Variants in AGBL4 observed in about 807,000 individuals in gnomAD.
The protein encoded by AGBL4 is AGBL carboxypeptidase 4, also known as cytosolic carboxypeptidase 6.
Under a neutral mutation model 66.4 loss-of-function variants are expected in AGBL4, and 58 were observed. That is an observed-to-expected ratio of 0.87 (90% CI 0.71 to 1.09). AGBL4 has a LOEUF of 1.09. Among genes scored for constraint, AGBL4 ranks in the 50% least tolerant of loss-of-function variants. AGBL4 has a pLI of 0.00. For synonymous variants in AGBL4, 234 were observed against 222.9 expected (o/e 1.05, Z -0.44); for missense variants, 579 against 631.0 (o/e 0.92, Z 0.88).
chr1:48,809,655 A>G (rs1016319644), intron 6 of AGBL4, among the ~76,000 whole-genome samples: 5 of 152,150 alleles, frequency 3.3e-5, no homozygotes, highest in African/African-American at 1.2e-4. Flanking sequence ...ATTATTATAA[A>G]TAGAACCTCA....
intron 1 of AGBL4, among the ~76,000 whole-genome samples, chr1:49,933,809 CATT>C (rs1653625624): frequency 2.6e-5 from 4 of 151,930 alleles, no homozygotes; most frequent in African/African-American, 7.2e-5. Context: ...GAGTAAAAAA[CATT>C]ATAAGAACAT....
At chr1:49,832,027 G>A (rs940362478) in intron 2 of AGBL4, among the ~76,000 whole-genome samples, 3 of 150,968 alleles carry the variant, frequency 2.0e-5, no homozygotes, top group African/African-American at 4.9e-5. Flanking sequence ...TTAACTTTTA[G>A]GGTACATGTG....
At chr1:49,293,149 C>CCAGCCA (rs1481047834) in intron 3 of AGBL4, among the ~76,000 whole-genome samples, 1 of 152,224 alleles carries the variant, frequency 6.6e-6, no homozygotes, top group Non-Finnish European at 1.5e-5. Flanking sequence ...TGTGCCTGGT[C>CCAGCCA]CAGCCACAGC....
At chr1:49,629,132 G>C (rs546012849) in intron 3 of AGBL4, among the ~76,000 whole-genome samples, 1 of 152,282 alleles carries the variant, frequency 6.6e-6, no homozygotes, top group African/African-American at 2.4e-5. Context: ...TATAAATCAA[G>C]CATTATTGGA....
chr1:49,726,450 G>T (rs923274276), intron 2 of AGBL4, among the ~76,000 whole-genome samples: 1 of 152,128 alleles, frequency 6.6e-6, no homozygotes, highest in African/African-American at 2.4e-5. Flanking sequence ...TAGAGTGGAA[G>T]AATGACTGGC....
intron 5 of AGBL4, among the ~76,000 whole-genome samples, chr1:48,961,000 T>G (rs1371810425): frequency 4.6e-5 from 7 of 152,194 alleles, no homozygotes; most frequent in Non-Finnish European, 1.0e-4. Context: ...AGCTCTATAC[T>G]AGGACCCTAA....
intron 2 of AGBL4, among the ~76,000 whole-genome samples, chr1:49,793,281 A>G (rs1224895633): frequency 6.6e-6 from 1 of 152,062 alleles, no homozygotes; most frequent in Non-Finnish European, 1.5e-5. Flanking sequence ...GATAATTCTT[A>G]TCAACTACAA....
intron 5 of AGBL4, among the ~76,000 whole-genome samples, chr1:48,884,446 A>G (rs1328270069): frequency 6.6e-6 from 1 of 151,536 alleles, no homozygotes; most frequent in Non-Finnish European, 1.5e-5. Flanking sequence ...ATGAGCCCAC[A>G]GTAGGTGATC....
intron 5 of AGBL4, among the ~76,000 whole-genome samples, chr1:48,908,505 G>A (rs946179810): frequency 2.6e-5 from 4 of 152,140 alleles, no homozygotes; most frequent in African/African-American, 9.7e-5. Flanking sequence ...CAAATGTCTT[G>A]TTTATTCCAA....
At chr1:48,887,075 G>A (rs935143084) in intron 5 of AGBL4, among the ~76,000 whole-genome samples, 2 of 152,152 alleles carry the variant, frequency 1.3e-5, no homozygotes, top group South Asian at 2.1e-4. Context: ...TTATAGGGTG[G>A]CTGGATTTCT....
intron 3 of AGBL4, among the ~76,000 whole-genome samples, chr1:49,278,010 T>C (rs1341082355): frequency 6.6e-6 from 1 of 152,178 alleles, no homozygotes; most frequent in Non-Finnish European, 1.5e-5. Context: ...TTAACAATCA[T>C]AACAACATGG....
intron 6 of AGBL4, among the ~76,000 whole-genome samples, chr1:48,836,355 A>G (rs998066014): frequency 6.6e-6 from 1 of 152,004 alleles, no homozygotes; most frequent in Non-Finnish European, 1.5e-5. Flanking sequence ...TAATCCTTCA[A>G]AGGTCTTCCA....
chr1:48,646,958 AT>A (rs1164093937), intron 8 of AGBL4, among the ~76,000 whole-genome samples: 2 of 152,124 alleles, frequency 1.3e-5, no homozygotes, highest in Non-Finnish European at 2.9e-5. Context: ...TCACACCCAT[AT>A]TTCTAGTGGA....
At chr1:49,026,446 T>A (rs890404237) in intron 5 of AGBL4, among the ~76,000 whole-genome samples, 12 of 151,892 alleles carry the variant, frequency 7.9e-5, no homozygotes, top group Non-Finnish European at 5.9e-5. Context: ...ATACCAGGAG[T>A]CTACAGAAAG....
At chr1:49,008,363 C>T (rs183074173) in intron 5 of AGBL4, among the ~76,000 whole-genome samples, 29 of 151,820 alleles carry the variant, frequency 1.9e-4, no homozygotes, top group Middle Eastern at 3.4e-3. Flanking sequence ...ACAGGAGCAC[C>T]CAGATTCATA....
chr1:49,526,258 T>C (rs1650655003), intron 3 of AGBL4, among the ~76,000 whole-genome samples: 1 of 151,720 alleles, frequency 6.6e-6, no homozygotes, highest in Admixed American at 6.6e-5. Context: ...AACTCTGTCA[T>C]ACCATAAAAA....
chr1:49,682,124 T>C (rs1244849971), intron 3 of AGBL4, among the ~76,000 whole-genome samples: 2 of 152,084 alleles, frequency 1.3e-5, no homozygotes, highest in Admixed American at 6.6e-5. Flanking sequence ...AAAAAACATA[T>C]AGGTGGGGCA....
chr1:49,874,462 C>G (rs955361809), intron 1 of AGBL4, among the ~76,000 whole-genome samples: 1 of 151,874 alleles, frequency 6.6e-6, no homozygotes, highest in African/African-American at 2.4e-5. Flanking sequence ...GCTAAAAAAC[C>G]CAATAAAGTT....
At chr1:49,995,460 C>G (rs148829340) in intron 1 of AGBL4, 1 of 364,900 alleles carries the variant, frequency 2.7e-6, no homozygotes, top group Non-Finnish European at 5.4e-6. Context: ...GGCTGAGAAC[C>G]ACAACCCCAT....
Sources: gnomAD v4.1 joint callset for allele counts (sites outside exome capture counted in the v4.1 genomes callset) on GRCh38, gnomAD v4.1.1 for gene constraint, MANE v1.5 for transcripts, NCBI Gene and HGNC (gene_info 2026-07-23, HGNC 2026-07-21) for gene names.